The following PPP1R9A variants were observed in gnomAD, a reference collection of about 807,000 sequenced individuals.
PPP1R9A encodes protein phosphatase 1 regulatory subunit 9A, also known as neurabin-1.
PPP1R9A carries 59 observed loss-of-function variants against 141.9 expected under a neutral mutation model. The ratio of observed to expected loss-of-function variants is 0.42; its 90% CI spans 0.34 to 0.52. The LOEUF is 0.52. Among genes scored for constraint, PPP1R9A ranks in the 20% least tolerant of loss-of-function variants. The pLI is 0.10. For missense variants in PPP1R9A, 1,444 were observed against 1,611.9 expected (o/e 0.90, Z 1.78); for synonymous variants, 500 against 569.7 (o/e 0.88, Z 1.74).
chr7:95,002,943 A>G (rs1371692673), intron 2 of PPP1R9A, among the ~76,000 whole-genome samples: 1 of 152,190 alleles, frequency 6.6e-6, no homozygotes, highest in African/African-American at 2.4e-5. Context: ...AGTAGGACCC[A>G]GAGGATGTGA....
chr7:95,289,728 C>T (rs1473126635), intron 19 of PPP1R9A, among the ~76,000 whole-genome samples: 2 of 152,182 alleles, frequency 1.3e-5, no homozygotes, highest in African/African-American at 2.4e-5. Context: ...AGCAGGTGCT[C>T]ACTCCTATGC....
At chr7:95,059,729 C>T (rs543036212) in intron 2 of PPP1R9A, among the ~76,000 whole-genome samples, 1 of 152,222 alleles carries the variant, frequency 6.6e-6, no homozygotes, top group East Asian at 1.9e-4. Flanking sequence ...ATATATTAGT[C>T]CCTATAAAGG....
chr7:94,965,521 T>A (rs1466649435), intron 2 of PPP1R9A, among the ~76,000 whole-genome samples: 1 of 152,144 alleles, frequency 6.6e-6, no homozygotes, highest in Non-Finnish European at 1.5e-5. Flanking sequence ...GGGGTCCAGT[T>A]TCAGTTTTCT....
rs1791426176 is a variant in PPP1R9A, at chr7:94,911,302, A to G, written c.1189A>G (p.Met397Val). The change falls in exon 2 of 20, where the codon ATG (methionine) becomes GTG (valine). Residue 397 changes from methionine to valine, a missense_variant. Physicochemically the swap from Met to Val is conservative, Grantham distance 21. This residue lies in a region of PPP1R9A where 490 missense variants were observed against 521.1 expected (regional missense o/e 0.94). Transcript: ENST00000433360. ...SNNFDGSHVY[M>V]HSDYNVYRVR... Reference sequence around the variant, plus strand: ...TAATTTTGATGGTTCCCATGTGTACATGCACAGTGACTATAATGTGTATAG... The same window carrying G: ...TAATTTTGATGGTTCCCATGTGTACGTGCACAGTGACTATAATGTGTATAG... 2 of 1,614,182 alleles carry G rather than the reference A, an allele frequency of 1.2e-6. No individual in the cohort carries two copies. Among genetic ancestry groups the G allele is most frequent in the Non-Finnish European group, 1.7e-6 (2 of 1,180,026 alleles).
At chr7:95,098,967 C>T (rs546000750) in intron 2 of PPP1R9A, among the ~76,000 whole-genome samples, 12 of 152,218 alleles carry the variant, frequency 7.9e-5, no homozygotes, top group Non-Finnish European at 8.8e-5. Context: ...TTGGTGTGCC[C>T]GGCATCCCCT....
At chr7:95,142,204 G>A (rs1189303901) in intron 4 of PPP1R9A, among the ~76,000 whole-genome samples, 4 of 151,814 alleles carry the variant, frequency 2.6e-5, no homozygotes, top group African/African-American at 4.8e-5. Context: ...TTTAAAATTC[G>A]GTTGTTTTAT....
chr7:95,160,401 G>A (rs1342465326), intron 4 of PPP1R9A, among the ~76,000 whole-genome samples: 1 of 152,090 alleles, frequency 6.6e-6, no homozygotes, highest in Non-Finnish European at 1.5e-5. Context: ...ATATAAATAT[G>A]TAAATATATC....
At chr7:95,000,327 G>C (rs924595703) in intron 2 of PPP1R9A, among the ~76,000 whole-genome samples, 2 of 152,106 alleles carry the variant, frequency 1.3e-5, no homozygotes, top group Non-Finnish European at 1.5e-5. Flanking sequence ...CAAGAAAACT[G>C]TTCTTTCATG....
intron 1 of PPP1R9A, chr7:94,908,323 A>C (rs1369316761): frequency 6.6e-6 from 1 of 151,956 alleles, no homozygotes; most frequent in Non-Finnish European, 1.5e-5. Context: ...GGGAGGAAAA[A>C]CAAAGGGATT....
chr7:95,250,765 A>G (rs754766759), intron 10 of PPP1R9A, among the ~76,000 whole-genome samples: 1 of 152,150 alleles, frequency 6.6e-6, no homozygotes, highest in East Asian at 1.9e-4. Flanking sequence ...TCAGCTGTTG[A>G]GAGAATCAGG....
intron 7 of PPP1R9A, among the ~76,000 whole-genome samples, chr7:95,219,597 C>T (rs1236008142): frequency 6.6e-6 from 1 of 151,892 alleles, no homozygotes; most frequent in African/African-American, 2.4e-5. Flanking sequence ...CTGTCACTTT[C>T]AGATAAAATC....
chr7:95,270,132 G>A (rs73223926), intron 14 of PPP1R9A, among the ~76,000 whole-genome samples: 2,228 of 152,140 alleles, frequency 0.015, 24 homozygotes, highest in Non-Finnish European at 0.021. Flanking sequence ...GTGTTGAGTC[G>A]TTGTGACAGA....
chr7:95,266,065 T>C (rs1801237989), intron 12 of PPP1R9A, among the ~76,000 whole-genome samples: 1 of 152,162 alleles, frequency 6.6e-6, no homozygotes, highest in South Asian at 2.1e-4. Context: ...TAAAACCTGC[T>C]AATAAGTAGT....
intron 5 of PPP1R9A, among the ~76,000 whole-genome samples, chr7:95,173,776 C>A (rs914672568): frequency 1.3e-5 from 2 of 152,032 alleles, no homozygotes; most frequent in African/African-American, 4.8e-5. Context: ...TGCTGCTTAA[C>A]ATTATTAGTT....
At chr7:95,260,860 A>C (rs1328211530) in intron 12 of PPP1R9A, among the ~76,000 whole-genome samples, 2 of 152,166 alleles carry the variant, frequency 1.3e-5, no homozygotes, top group East Asian at 3.8e-4. Context: ...AGATCATTTT[A>C]ACCCAAATGT....
At chr7:95,188,176 A>T (rs1291031459) in intron 5 of PPP1R9A, among the ~76,000 whole-genome samples, 1 of 152,102 alleles carries the variant, frequency 6.6e-6, no homozygotes, top group African/African-American at 2.4e-5. Context: ...CGTTAGGTAC[A>T]TACATATTTA....
At chr7:95,143,653 G>T (rs207468297) in intron 4 of PPP1R9A, among the ~76,000 whole-genome samples, 1 of 152,136 alleles carries the variant, frequency 6.6e-6, no homozygotes, top group African/African-American at 2.4e-5. Flanking sequence ...GAAACCCCTG[G>T]CAGAGGCCCA....
intron 2 of PPP1R9A, among the ~76,000 whole-genome samples, chr7:95,079,831 A>G (rs1815508585): frequency 2.0e-5 from 3 of 152,248 alleles, no homozygotes; most frequent in Admixed American, 1.3e-4. Context: ...AGAACCAAAG[A>G]CAAAAACCGC....
intron 5 of PPP1R9A, among the ~76,000 whole-genome samples, chr7:95,183,638 G>A (rs1274460229): frequency 1.3e-5 from 2 of 151,342 alleles, no homozygotes; most frequent in African/African-American, 4.8e-5. Context: ...TAGTAGAGAC[G>A]GGGTTTCACC....
Sources: gnomAD v4.1 joint callset for allele counts (sites outside exome capture counted in the v4.1 genomes callset) on GRCh38, gnomAD v4.1.1 for gene constraint, gnomAD v4.1.1 regional missense constraint, MANE v1.5 for transcripts, NCBI Gene and HGNC (gene_info 2026-07-23, HGNC 2026-07-21) for gene names.